The following TSPAN18 variants were observed in gnomAD, a reference collection of about 807,000 sequenced individuals.
The protein encoded by TSPAN18 is tetraspanin 18.
A neutral mutation model predicts 27.3 loss-of-function variants in TSPAN18; 14 were observed. That is an observed-to-expected ratio of 0.51 (90% CI 0.34 to 0.80). TSPAN18 has a LOEUF of 0.80. Among genes scored for constraint, TSPAN18 ranks in the 30% least tolerant of loss-of-function variants. The pLI is 0.01. For synonymous variants in TSPAN18, 143 were observed against 136.5 expected, an observed-to-expected ratio of 1.05 and a Z score of -0.33; for missense variants, 268 against 323.9, an observed-to-expected ratio of 0.83 and a Z score of 1.32.
intron 2 of TSPAN18, among the ~76,000 whole-genome samples, chr11:44,797,676 C>T (rs1204556495): frequency 1.3e-5 from 2 of 152,156 alleles, no homozygotes; most frequent in East Asian, 3.8e-4. Flanking sequence ...ATCCTTGTGT[C>T]TAGCAAAGGC....
At chr11:44,798,152 C>T (rs756597548) in intron 2 of TSPAN18, among the ~76,000 whole-genome samples, 4 of 152,164 alleles carry the variant, frequency 2.6e-5, no homozygotes, top group African/African-American at 7.2e-5. Flanking sequence ...CAGAGAGGCC[C>T]GTGCCCTCCC....
At chr11:44,749,785 C>G (rs559985958) in intron 1 of TSPAN18, among the ~76,000 whole-genome samples, 14 of 152,092 alleles carry the variant, frequency 9.2e-5, no homozygotes, top group Non-Finnish European at 2.1e-4. Context: ...TACAGGTGCC[C>G]GCTACCATGC....
chr11:44,801,772 C>CT (rs1470112959), intron 2 of TSPAN18, among the ~76,000 whole-genome samples: 1 of 152,182 alleles, frequency 6.6e-6, no homozygotes, highest in African/African-American at 2.4e-5. Flanking sequence ...TGGCTCACAC[C>CT]TGTAATCGCA....
At chr11:44,779,110 C>G (rs1160353385) in intron 2 of TSPAN18, among the ~76,000 whole-genome samples, 2 of 151,952 alleles carry the variant, frequency 1.3e-5, no homozygotes, top group Non-Finnish European at 2.9e-5. Context: ...GGAGCCTGCC[C>G]CAGGATTGAC....
intron 3 of TSPAN18, among the ~76,000 whole-genome samples, chr11:44,883,391 C>G (rs763883081): frequency 6.6e-6 from 1 of 152,172 alleles, no homozygotes; most frequent in Non-Finnish European, 1.5e-5. Flanking sequence ...CAGTGGCCCT[C>G]GGTAGATAGC....
chr11:44,740,710 G>A (rs558756692), intron 1 of TSPAN18, among the ~76,000 whole-genome samples: 2 of 152,190 alleles, frequency 1.3e-5, no homozygotes, highest in African/African-American at 4.8e-5. Flanking sequence ...GTGATGGAGG[G>A]AGCACTGGAC....
intron 2 of TSPAN18, among the ~76,000 whole-genome samples, chr11:44,847,005 GGAAGATTCGC>G (rs1857499573): frequency 6.6e-6 from 1 of 152,182 alleles, no homozygotes; most frequent in Non-Finnish European, 1.5e-5. Flanking sequence ...CAGGCTGGTG[GGAAGATTCGC>G]GAAGCACTAA....
intron 2 of TSPAN18, among the ~76,000 whole-genome samples, chr11:44,841,791 A>G (rs1857379819): frequency 6.6e-6 from 1 of 152,182 alleles, no homozygotes; most frequent in Non-Finnish European, 1.5e-5. Context: ...GCCCAGTGAG[A>G]GATGGGGCAG....
At chr11:44,894,391 A>G (rs745765821) in intron 3 of TSPAN18, among the ~76,000 whole-genome samples, 3 of 152,152 alleles carry the variant, frequency 2.0e-5, no homozygotes, top group Non-Finnish European at 4.4e-5. Context: ...CACCAGCCCA[A>G]ACCTTCCTCC....
At chr11:44,749,925 T>C (rs1444079815) in intron 1 of TSPAN18, among the ~76,000 whole-genome samples, 1 of 152,212 alleles carries the variant, frequency 6.6e-6, no homozygotes, top group East Asian at 1.9e-4. Context: ...CGTGAGCCAC[T>C]GCACCCGGCT....
chr11:44,865,121 A>G (rs950427840), intron 3 of TSPAN18, among the ~76,000 whole-genome samples: 2 of 152,178 alleles, frequency 1.3e-5, no homozygotes, highest in African/African-American at 4.8e-5. Context: ...CAAGTAGTGG[A>G]ATGGACTCAA....
At chr11:44,762,375 C>T (rs1590431418) in intron 1 of TSPAN18, among the ~76,000 whole-genome samples, 1 of 152,166 alleles carries the variant, frequency 6.6e-6, no homozygotes, top group East Asian at 1.9e-4. Context: ...GGTAAGATCC[C>T]ACTTTTGTAA....
Position 44,926,758 on chromosome 11 carries a change from G to A in TSPAN18, c.699+1G>A, listed in dbSNP as rs371719076. 3 of 1,614,118 alleles carry A rather than the reference G, an allele frequency of 1.9e-6. No individual in the cohort carries two copies. The highest frequency in any genetic ancestry group is 2.7e-5 in the African/African-American group (2 of 75,052). ...TGCCATCGGGGTACTGGCCATCGAG[G>A]TAAGTAAAGGCCCCCACTTCTGCCG... is the stretch of plus-strand genomic sequence containing the variant. On this transcript the variant is annotated splice_donor_variant, in intron 9 of 9. Transcript: ENST00000520358. LOFTEE classifies it high-confidence loss of function.
intron 1 of TSPAN18, among the ~76,000 whole-genome samples, chr11:44,755,012 G>A (rs704663): frequency 5.4e-4 from 82 of 152,282 alleles, no homozygotes; most frequent in Middle Eastern, 6.8e-3. Context: ...GGCATGTGCT[G>A]TCTGCAGAAA....
intron 1 of TSPAN18, among the ~76,000 whole-genome samples, chr11:44,732,353 C>G (rs927149420): frequency 1.3e-5 from 2 of 152,186 alleles, no homozygotes; most frequent in African/African-American, 4.8e-5. Context: ...GGATACTGCC[C>G]CCATTCTGTA....
At chr11:44,881,767 C>T (rs970500020) in intron 3 of TSPAN18, among the ~76,000 whole-genome samples, 5 of 152,148 alleles carry the variant, frequency 3.3e-5, no homozygotes, top group African/African-American at 7.2e-5. Flanking sequence ...CAGGGCCAAC[C>T]GTTCTTGACC....
rs114658506 is a variant in TSPAN18 at position 44,825,737 on chromosome 11, C to T, written c.-152-34591C>T. On this transcript the variant is annotated intron_variant, in intron 2 of 9. Coordinates refer to ENST00000520358, the MANE Select transcript of TSPAN18 (RefSeq NM_130783.5). ...GCGGGGGTTGGCTGGGTTTTGTACA[C>T]CCAGGGCCTGTTTTCTTAGACAAGG... 5.3e-3 allele frequency among the ~76,000 whole-genome samples: 806 copies of T among 152,282 alleles called. 4 individuals carry two copies. The highest frequency in any genetic ancestry group is 0.018 in the African/African-American group (768 of 41,562).
intron 2 of TSPAN18, among the ~76,000 whole-genome samples, chr11:44,824,577 G>A (rs1856995104): frequency 6.6e-6 from 1 of 152,226 alleles, no homozygotes; most frequent in South Asian, 2.1e-4. Flanking sequence ...CTTGTCTAGG[G>A]CTGTGGGAAG....
intron 1 of TSPAN18, among the ~76,000 whole-genome samples, chr11:44,742,080 A>G (rs1052169236): frequency 4.6e-5 from 7 of 152,204 alleles, no homozygotes; most frequent in African/African-American, 1.7e-4. Context: ...TGCTGCAGCT[A>G]TGGAATCGGG....
Sources: gnomAD v4.1 joint callset for allele counts (sites outside exome capture counted in the v4.1 genomes callset) on GRCh38, gnomAD v4.1.1 for gene constraint, MANE v1.5 for transcripts, NCBI Gene and HGNC (gene_info 2026-07-23, HGNC 2026-07-21) for gene names.